The following TXLNG variants were observed in gnomAD, a reference collection of about 807,000 sequenced individuals.
TXLNG encodes gamma-taxilin.
In TXLNG, 5 loss-of-function variants were observed where a neutral mutation model predicts 38.8. The observed-to-expected ratio is 0.13, with a 90% CI of 0.07 to 0.27. The LOEUF (loss-of-function observed/expected upper bound fraction) is 0.27. Ranked by LOEUF, TXLNG falls within the 10% of genes least tolerant of loss-of-function variation. The pLI is 1.00. For synonymous variants in TXLNG, 182 were observed against 158.2 expected (o/e 1.15, Z -1.13); for missense variants, 393 against 398.2 (o/e 0.99, Z 0.11).
At chrX:16,795,108 T>G (rs898781318) in intron 1 of TXLNG, among the ~76,000 whole-genome samples, 1 of 109,414 alleles carries the variant, frequency 9.1e-6, no homozygotes, top group African/African-American at 3.3e-5. Flanking sequence ...AAACCCCATC[T>G]CTACTAAAAA....
chrX:16,788,734 C>T (rs1419792352), intron 1 of TXLNG, among the ~76,000 whole-genome samples: 1 of 101,464 alleles, frequency 9.9e-6, no homozygotes, highest in African/African-American at 3.7e-5. Context: ...GTGATGCAAT[C>T]TTGGCTCACT....
intron 1 of TXLNG, among the ~76,000 whole-genome samples, chrX:16,805,007 TGAG>T (rs1427189423): frequency 2.6e-5 from 1 of 38,723 alleles, no homozygotes; most frequent in African/African-American, 8.0e-5. Context: ...TTTTTTTTTT[TGAG>T]AGACAGAGCC....
At chrX:16,795,339 A>C (rs1181629449) in intron 1 of TXLNG, among the ~76,000 whole-genome samples, 1 of 112,462 alleles carries the variant, frequency 8.9e-6, no homozygotes, top group African/African-American at 3.2e-5. Flanking sequence ...TTAAATGCAA[A>C]ATTTAATGCA....
chrX:16,790,314 C>T (rs749519677), intron 1 of TXLNG, among the ~76,000 whole-genome samples: 2 of 111,336 alleles, frequency 1.8e-5, no homozygotes, highest in South Asian at 7.6e-4. Context: ...CCCTTGTGCT[C>T]TACCTATTCA....
At chrX:16,802,815 TTC>T (rs1373103411) in intron 1 of TXLNG, among the ~76,000 whole-genome samples, 11 of 88,998 alleles carry the variant, frequency 1.2e-4, no homozygotes, top group African/African-American at 4.4e-4. Context: ...GATGCTTTCT[TTC>T]TTTCTTTTTT....
chrX:16,828,426 G>A (rs1929253909), intron 4 of TXLNG, among the ~76,000 whole-genome samples, 162 bp downstream of exon 4: 1 of 112,137 alleles, frequency 8.9e-6, no homozygotes, highest in African/African-American at 3.2e-5. Context: ...CATTGTAAAT[G>A]TAAGACCAAT....
intron 5 of TXLNG, 41 bp downstream of exon 5, chrX:16,829,811 G>A: frequency 8.6e-7 from 1 of 1,162,595 alleles, no homozygotes; most frequent in South Asian, 1.9e-5. Flanking sequence ...CTCAAGATTA[G>A]CAAAAGTGTC....
intron 1 of TXLNG, among the ~76,000 whole-genome samples, chrX:16,802,995 T>G (rs1451805257): frequency 9.1e-6 from 1 of 109,419 alleles, no homozygotes; most frequent in East Asian, 2.9e-4. Flanking sequence ...GATTTTTGCA[T>G]TTTTAGTAGA....
intron 1 of TXLNG, among the ~76,000 whole-genome samples, chrX:16,804,978 C>T (rs764710821): frequency 5.2e-4 from 3 of 5,756 alleles, no homozygotes; most frequent in Non-Finnish European, 1.2e-3. Flanking sequence ...CCCACCCCCC[C>T]CCCCCGCTTT....
At chrX:16,833,295 C>G (rs1035170043) in intron 6 of TXLNG, among the ~76,000 whole-genome samples, 1 of 112,407 alleles carries the variant, frequency 8.9e-6, no homozygotes. Flanking sequence ...CCAGTGTATG[C>G]TCAGATTCTA....
intron 9 of TXLNG, chrX:16,840,583 C>T (rs767066897): frequency 1.5e-4 from 47 of 316,295 alleles, no homozygotes; most frequent in Non-Finnish European, 1.9e-4. Context: ...ACCAGCCTGG[C>T]CAACATCGTG....
intron 9 of TXLNG, among the ~76,000 whole-genome samples, chrX:16,840,989 A>G (rs1408208872): frequency 1.6e-4 from 18 of 110,168 alleles, no homozygotes; most frequent in South Asian, 7.8e-4. Context: ...GAGGTCAGGA[A>G]ATCAAGACCA....
intron 7 of TXLNG, among the ~76,000 whole-genome samples, chrX:16,835,005 TGTAA>T (rs772468478): frequency 2.8e-5 from 3 of 107,285 alleles, no homozygotes; most frequent in African/African-American, 1.0e-4. Flanking sequence ...TTCCAGACCC[TGTAA>T]GTGTGTCCTG....
intron 1 of TXLNG, among the ~76,000 whole-genome samples, chrX:16,793,404 T>C (rs1213534748): frequency 9.0e-6 from 1 of 111,364 alleles, no homozygotes; most frequent in Admixed American, 9.7e-5. Context: ...CTGTGTTGCA[T>C]TTCCAAAACG....
chrX:16,812,967 C>T lies in TXLNG; in HGVS notation c.103-5607C>T, dbSNP rs371859136. 2.7e-4 allele frequency among the ~76,000 whole-genome samples: 30 copies of T among 110,269 alleles called. No individual in the cohort carries two copies. The East Asian group carries it at 7.4e-3, about 27-fold the overall frequency. Reference sequence around the variant, plus strand: ...CTGCCCACCTCAACCTCCCAAACTGCTGGGATTACAGGTATGAGCTACTGC... The same window carrying T: ...CTGCCCACCTCAACCTCCCAAACTGTTGGGATTACAGGTATGAGCTACTGC... On this transcript the variant is annotated intron_variant, in intron 1 of 9. Transcript: ENST00000380122.
chrX:16,837,165 C>A (rs1468405533), intron 7 of TXLNG, among the ~76,000 whole-genome samples: 1 of 112,045 alleles, frequency 8.9e-6, no homozygotes, highest in African/African-American at 3.2e-5. Flanking sequence ...CAAACCAATT[C>A]TTTGGCTTCT....
At position 16,844,137 on chromosome X, in the gene TXLNG, C is replaced by G. The variant is rs954803708; in HGVS notation, c.*2371C>G. 8.9e-6 allele frequency: 1 copy of G among 111,804 alleles called. No homozygotes were observed. The highest frequency in any genetic ancestry group is 3.3e-5 in the African/African-American group (1 of 30,683). The allele number at this position is 111,804 out of a possible 1,213,427, so 9.2% of individuals were successfully genotyped here. On this transcript the variant is annotated 3_prime_UTR_variant, in exon 10 of 10. Transcript: ENST00000380122. ...TCCAAGGTGTAGAGAAAACTTGGGT[C>G]TTGGGTAATATGGACCATTTCATCC...
chrX:16,786,923 G>C (rs753276454), intron 1 of TXLNG, among the ~76,000 whole-genome samples: 12 of 112,140 alleles, frequency 1.1e-4, no homozygotes, highest in African/African-American at 3.9e-4. Flanking sequence ...GCGGGGATCC[G>C]GGCGCCAGGC....
intron 1 of TXLNG, among the ~76,000 whole-genome samples, chrX:16,793,432 G>T (rs1855966762): frequency 9.2e-6 from 1 of 108,999 alleles, no homozygotes; most frequent in Non-Finnish European, 1.9e-5. Context: ...AATGACCTCT[G>T]TTATCTCCTA....
Sources: allele counts gnomAD v4.1 joint callset (sites outside exome capture counted in the v4.1 genomes callset), GRCh38; gene constraint gnomAD v4.1.1; transcripts MANE v1.5; gene names NCBI Gene and HGNC (gene_info 2026-07-23, HGNC 2026-07-21).